SLC5A5: variants seen among roughly 807,000 people sequenced by gnomAD.
SLC5A5 encodes the protein sodium/iodide cotransporter.
Under a neutral mutation model 68.6 loss-of-function variants are expected in SLC5A5, and 56 were observed. The ratio of observed to expected loss-of-function variants is 0.82; its 90% CI spans 0.66 to 1.02. The LOEUF (loss-of-function observed/expected upper bound fraction) is 1.02. Ranked by LOEUF, SLC5A5 falls within the 50% of genes least tolerant of loss-of-function variation. SLC5A5 has a pLI of 0.00. For synonymous variants in SLC5A5, 398 were observed against 373.0 expected (o/e 1.07, Z -0.77); for missense variants, 807 against 859.8 (o/e 0.94, Z 0.77).
rs1213434956 is a variant in SLC5A5 at position 17,880,913 on chromosome 19, C to A, written c.1018C>A (p.Pro340Thr). 1 of 1,613,874 alleles carries A rather than the reference C, an allele frequency of 6.2e-7. No homozygotes were observed. The highest frequency in any genetic ancestry group is 1.3e-5 in the African/African-American group (1 of 74,912). ...CATCTTCGAAGATCTGCCTGGAGTC[C>A]CCGGGCTTTTCCTGGCCTGTGCTTA... Reference protein sequence around the residue: ...LDIFEDLPGVPGLFLACAYSG... With the variant: ...LDIFEDLPGVTGLFLACAYSG... The change falls in exon 8 of 15, where the codon CCC (proline) becomes ACC (threonine). Residue 340 changes from proline (P) to threonine (T), a missense_variant. Coordinates refer to ENST00000222248, the MANE Select transcript of SLC5A5 (RefSeq NM_000453.3).
intron 5 of SLC5A5, 85 bp from the exon 6 acceptor site, chr19:17,877,638 G>A: frequency 3.9e-6 from 6 of 1,545,224 alleles, no homozygotes; most frequent in Non-Finnish European, 3.5e-6. Flanking sequence ...TCCCCTATAA[G>A]GTCCAGAAGC....
intron 8 of SLC5A5, among the ~76,000 whole-genome samples, chr19:17,881,675 G>T (rs2094321022): frequency 6.6e-6 from 1 of 152,202 alleles, no homozygotes; most frequent in South Asian, 2.1e-4. Flanking sequence ...GGGACTTCTG[G>T]TCACATGCCC....
chr19:17,891,317 T>A (rs2030161175), intron 14 of SLC5A5, among the ~76,000 whole-genome samples: 1 of 152,188 alleles, frequency 6.6e-6, no homozygotes, highest in Non-Finnish European at 1.5e-5. Context: ...GCGATTCTCC[T>A]GCCTCAGCCT....
In SLC5A5 at chr19:17,875,943, A is replaced by G. The variant is rs772953917; in HGVS notation, c.544-9A>G. 11 of 1,613,922 alleles carry G rather than the reference A, an allele frequency of 6.8e-6. No homozygotes were observed. In the Admixed American group the frequency reaches 1.5e-4, roughly 22 times the overall value. Reference sequence around the variant, plus strand: ...CCGCCCCTCTCCCTCTCTCTGTCCCATGCTGCAGGGCGGCATGAAGGCTGT... The same window carrying G: ...CCGCCCCTCTCCCTCTCTCTGTCCCGTGCTGCAGGGCGGCATGAAGGCTGT... On this transcript the variant is annotated splice_polypyrimidine_tract_variant and intron_variant, in intron 4 of 14. Transcript: ENST00000222248.
intron 7 of SLC5A5, among the ~76,000 whole-genome samples, chr19:17,880,009 C>T (rs1440928225): frequency 1.3e-5 from 2 of 151,740 alleles, no homozygotes. Flanking sequence ...AAGCCATTCT[C>T]TTGCCTCAGC....
chr19:17,893,200 G>A (rs2030267264), intron 14 of SLC5A5, among the ~76,000 whole-genome samples: 1 of 149,998 alleles, frequency 6.7e-6, no homozygotes, highest in African/African-American at 2.5e-5. Context: ...TCCATGGTCC[G>A]AGAAATTCTC....
chr19:17,888,028 G>C (rs1487729928), intron 12 of SLC5A5, among the ~76,000 whole-genome samples: 2 of 152,152 alleles, frequency 1.3e-5, no homozygotes, highest in Non-Finnish European at 2.9e-5. Context: ...TCTTCTGAGA[G>C]TTTAATTTGG....
At chr19:17,884,958 T>C (rs1325329934) in intron 12 of SLC5A5, among the ~76,000 whole-genome samples, 1 of 149,588 alleles carries the variant, frequency 6.7e-6, no homozygotes, top group Non-Finnish European at 1.5e-5. Context: ...CCTCCCAAAA[T>C]GCTGGGATTA....
chr19:17,872,577 G>A lies in SLC5A5; in HGVS notation c.258G>A (p.Lys86=), dbSNP rs1365687281. 1 of 1,612,764 alleles carries A rather than the reference G, an allele frequency of 6.2e-7. No individual in the cohort carries two copies. Among genetic ancestry groups the A allele is most frequent in the East Asian group, 2.2e-5 (1 of 44,884 alleles). ...VPSEAYRYGL[K]FLWMCLGQLL... ...CGGAGGCCTATCGCTATGGCCTCAAGTTCCTCTGGATGTGCCTGGGCCAGC... is the reference window on the plus strand; with the variant it reads ...CGGAGGCCTATCGCTATGGCCTCAAATTCCTCTGGATGTGCCTGGGCCAGC... The change falls in exon 1 of 15, where the codon AAG becomes AAA. Residue 86 remains lysine, a synonymous_variant. Transcript: ENST00000222248.
intron 6 of SLC5A5, 27 bp from the exon 7 acceptor site, chr19:17,877,937 T>A: frequency 1.9e-6 from 3 of 1,613,750 alleles, no homozygotes; most frequent in Admixed American, 3.3e-5. Context: ...GGCTATCCCC[T>A]AAGCCTGAGG....
chr19:17,877,987 G>T lies in SLC5A5; in HGVS notation c.863G>T (p.Gly288Val). Residue 288 changes from glycine to valine, a missense_variant, in exon 7 of 15, where the codon GGC (glycine) becomes GTC (valine). Transcript: ENST00000222248. ...AGGGCCCTGCTCATCAACCAGGTCG[G>T]CCTGTTCCTGATCGTGTCCAGCGCT... ...AKLALLINQV[G>V]LFLIVSSAAC... 6.2e-7 allele frequency: 1 copy of T among 1,613,380 alleles called. No homozygotes were observed.
chr19:17,883,718 T>A lies in SLC5A5; in HGVS notation c.1280T>A (p.Leu427Gln). The A allele has an allele frequency of 6.4e-7, 1 of 1,565,456 alleles. No individual in the cohort carries two copies. Among genetic ancestry groups the A allele is most frequent in the Non-Finnish European group, 8.7e-7 (1 of 1,151,974 alleles). Residue 427 changes from leucine (L) to glutamine (Q), a missense_variant, in exon 11 of 15, where the codon CTG becomes CAG. Coordinates refer to ENST00000222248, the MANE Select transcript of SLC5A5 (RefSeq NM_000453.3). ...GTCATGGGAGTCATCAGCGGCCCCC[T>A]GCTGGGAGCCTTCATCTTGGGAATG... ...FTVMGVISGPLLGAFILGMFL... is the reference protein window; with the variant it reads ...FTVMGVISGPQLGAFILGMFL...
rs2094295454 is a variant in SLC5A5, at chr19:17,872,117, G to T, written c.-203G>T. 3 of 579,914 alleles carry T rather than the reference G, an allele frequency of 5.2e-6. No homozygotes were observed. The Admixed American group carries it at 9.2e-5, about 18-fold the overall frequency. 35.9% of individuals were successfully genotyped at this position (579,914 alleles called of 1,614,324 possible). A position where few individuals can be genotyped will look rare whatever the true frequency, so the allele number is the denominator to read the frequency against. ...GACAGACAGCGGGGACAGGGAGGCC[G>T]ACACGGACATCGACAGCCCATAGAT... is the stretch of plus-strand genomic sequence containing the variant. On this transcript the variant is annotated 5_prime_UTR_variant, in exon 1 of 15. Transcript: ENST00000222248.
At position 17,876,196 on chromosome 19, in the gene SLC5A5, G is replaced by C. The variant is rs1003711260; in HGVS notation, c.698+90G>C. 3.8e-6 allele frequency: 5 copies of C among 1,319,776 alleles called. No homozygotes were observed. In the Admixed American group the frequency reaches 7.0e-5, roughly 18 times the overall value. The allele number at this position is 1,319,776 out of a possible 1,614,324, so 81.8% of individuals were successfully genotyped here. On this transcript the variant is annotated intron_variant, in intron 5 of 14. Coordinates refer to ENST00000222248, the MANE Select transcript of SLC5A5 (RefSeq NM_000453.3). ...TGTAATCCCAGCACTTTGGGAGGCC[G>C]AGGCGGGCAGATCACTTGAGCTCAG...
chr19:17,877,106 C>T (rs961639567), intron 5 of SLC5A5, among the ~76,000 whole-genome samples: 5 of 151,850 alleles, frequency 3.3e-5, no homozygotes, highest in African/African-American at 1.2e-4. Flanking sequence ...ATGCCTCCTG[C>T]TCCAGGAGGC....
rs778756484 is a variant in SLC5A5, at chr19:17,883,935, C to A, written c.1415C>A (p.Thr472Asn). 4.5e-6 allele frequency: 7 copies of A among 1,563,594 alleles called. No homozygotes were observed. The Admixed American group carries it at 9.6e-5, about 21-fold the overall frequency. The change falls in exon 12 of 15, where the codon ACC becomes AAC. Residue 472 changes from threonine to asparagine, a missense_variant. By Grantham distance (65) the Thr-to-Asn change is moderately conservative. Coordinates refer to ENST00000222248, the MANE Select transcript of SLC5A5 (RefSeq NM_000453.3). ...ACGCTGTACCCACCCAGCGAGCAGA[C>A]CATGAGGGTCCTGCCATCGTCGGCT... is the stretch of plus-strand genomic sequence containing the variant. ...GATLYPPSEQ[T>N]MRVLPSSAAR... is the part of the protein sequence containing the mutation.
rs748980003 is a variant in SLC5A5 at position 17,872,619 on chromosome 19, C to G, written c.300C>G (p.Leu100=). 1 of 1,611,942 alleles carries G rather than the reference C, an allele frequency of 6.2e-7. No individual in the cohort carries two copies. The highest frequency in any genetic ancestry group is 8.5e-7 in the Non-Finnish European group (1 of 1,179,750). The change falls in exon 1 of 15, where the codon CTC becomes CTG. Residue 100 remains leucine, a synonymous_variant. Transcript: ENST00000222248. ...TGGGCCAGCTTCTGAACTCGGTCCT[C>G]ACCGCCCTGCTCTTCATGCCCGTCT... ...MCLGQLLNSV[L]TALLFMPVFY...
At position 17,877,821 on chromosome 19, in the gene SLC5A5, T is replaced by G. The variant is rs1197801344; in HGVS notation, c.797T>G (p.Val266Gly). The change falls in exon 6 of 15, where the codon GTG becomes GGG. Residue 266 changes from valine (V) to glycine (G), a missense_variant. Transcript: ENST00000222248. ...ATGTATGGCGTGAACCAGGCGCAGG[T>G]GCAGCGCTACGTGGCTTGCCGCACA... ...LSMYGVNQAQVQRYVACRTEK... is the reference protein window; with the variant it reads ...LSMYGVNQAQGQRYVACRTEK... The G allele has an allele frequency of 6.2e-7, 1 of 1,614,216 alleles. No individual in the cohort carries two copies. The highest frequency in any genetic ancestry group is 8.5e-7 in the Non-Finnish European group (1 of 1,180,034).
chr19:17,893,967 T>G lies in SLC5A5; in HGVS notation c.*90T>G. The stretch of plus-strand genomic sequence containing the variant: ...ACGGGCCCATGGCCTTGGGCTCTGA[T>G]TGGCTGGATTGCCTTGTATGCAAAT... On this transcript the variant is annotated 3_prime_UTR_variant, in exon 15 of 15. Coordinates refer to ENST00000222248, the MANE Select transcript of SLC5A5 (RefSeq NM_000453.3). 3 of 1,262,030 alleles carry G rather than the reference T, an allele frequency of 2.4e-6. No homozygotes were observed. In the South Asian group the frequency reaches 3.8e-5, roughly 16 times the overall value. The allele number at this position is 1,262,030 out of a possible 1,614,324, so 78.2% of individuals were successfully genotyped here.
Sources: gnomAD v4.1 joint callset for allele counts (sites outside exome capture counted in the v4.1 genomes callset) on GRCh38, gnomAD v4.1.1 for gene constraint, MANE v1.5 for transcripts, NCBI Gene and HGNC (gene_info 2026-07-23, HGNC 2026-07-21) for gene names.